GIGYF2: variants seen among roughly 807,000 people sequenced by gnomAD.
GIGYF2 encodes the protein GRB10-interacting GYF protein 2.
A neutral mutation model predicts 208.1 loss-of-function variants in GIGYF2; 25 were observed. That is an observed-to-expected ratio of 0.12 (90% CI 0.09 to 0.17). GIGYF2 has a LOEUF of 0.17. Among genes scored for constraint, GIGYF2 ranks in the 10% least tolerant of loss-of-function variants. GIGYF2 has a pLI of 1.00. For missense variants in GIGYF2, 1,302 were observed against 1,579.4 expected, an observed-to-expected ratio of 0.82 and a Z score of 2.98; for synonymous variants, 534 against 543.8, an observed-to-expected ratio of 0.98 and a Z score of 0.25.
At chr2:232,744,174 A>G (rs13424728) in intron 3 of GIGYF2, among the ~76,000 whole-genome samples, 1,796 of 152,300 alleles carry the variant, frequency 0.012, 12 homozygotes, top group Non-Finnish European at 0.016. Context: ...TCTGGTGACT[A>G]TAAGAAATGT....
rs543333888 is a variant in GIGYF2, at chr2:232,724,124, T to C, written c.-43-11031T>C. Among the ~76,000 whole-genome samples, 52 of 150,932 alleles carry C rather than the reference T, an allele frequency of 3.4e-4. No individual in the cohort carries two copies. The South Asian group carries it at 9.9e-3, about 29-fold the overall frequency. ...GGTGTGATCTCAGCTCACAGCAACC[T>C]CTGCCTTCCGGGTTCAAGTGATTCT... On this transcript the variant is annotated intron_variant, in intron 2 of 28. Transcript: ENST00000373563.
Position 232,793,898 on chromosome 2 carries a change from T to C in GIGYF2, c.1283-850T>C, listed in dbSNP as rs1026203246. Among the ~76,000 whole-genome samples, 18 of 152,154 alleles carry C rather than the reference T, an allele frequency of 1.2e-4. 1 individual carries two copies. ...GATGAGGAAGACTAGGAAAAGTCAT[T>C]GTATTTGGCAACTTTGTGTCACTGC... is the stretch of plus-strand genomic sequence containing the variant. On this transcript the variant is annotated intron_variant, in intron 12 of 28. Coordinates refer to ENST00000373563, the MANE Select transcript of GIGYF2 (RefSeq NM_001103146.3).
chr2:232,739,758 G>C (rs573438426), intron 3 of GIGYF2, among the ~76,000 whole-genome samples: 5 of 152,058 alleles, frequency 3.3e-5, no homozygotes, highest in Admixed American at 1.3e-4. Context: ...CTTTGCTAAC[G>C]TTTTGGTTTC....
At chr2:232,848,728 G>A (rs981741745) in intron 27 of GIGYF2, among the ~76,000 whole-genome samples, 8 of 152,184 alleles carry the variant, frequency 5.3e-5, no homozygotes, top group African/African-American at 1.9e-4. Context: ...CTTGTTGGCA[G>A]TATTGAGAAC....
intron 15 of GIGYF2, among the ~76,000 whole-genome samples, chr2:232,809,421 A>G (rs1200981423): frequency 6.6e-6 from 1 of 152,238 alleles, no homozygotes; most frequent in Non-Finnish European, 1.5e-5. Flanking sequence ...TTACAGTAAT[A>G]ACTCTGAAGT....
intron 2 of GIGYF2, among the ~76,000 whole-genome samples, chr2:232,716,455 T>C (rs1205518281): frequency 6.9e-6 from 1 of 144,120 alleles, no homozygotes; most frequent in African/African-American, 2.6e-5. Flanking sequence ...CTCGGCTCAC[T>C]GCAACTTCCA....
intron 8 of GIGYF2, chr2:232,768,377 A>G (rs766235801): frequency 1.9e-6 from 3 of 1,614,190 alleles, no homozygotes; most frequent in Non-Finnish European, 8.5e-7. Context: ...ACAGAGATGC[A>G]AAACAGTGAT....
Position 232,742,924 on chromosome 2 carries a change from A to T in GIGYF2, c.42-4691A>T, listed in dbSNP as rs1381144438. On this transcript the variant is annotated intron_variant, in intron 3 of 28. Coordinates refer to ENST00000373563, the MANE Select transcript of GIGYF2 (RefSeq NM_001103146.3). The stretch of plus-strand genomic sequence containing the variant: ...ATGGGCTTTACATGGTTGTGTATGA[A>T]AGCCTGACTATAGGAGAGGTCACAG... Among the ~76,000 whole-genome samples, 4 of 152,292 alleles carry T rather than the reference A, an allele frequency of 2.6e-5. 1 individual carries two copies. In the East Asian group the frequency reaches 7.7e-4, roughly 29 times the overall value.
At chr2:232,751,204 T>G (rs1698328008) in intron 5 of GIGYF2, among the ~76,000 whole-genome samples, 1 of 152,056 alleles carries the variant, frequency 6.6e-6, no homozygotes, top group African/African-American at 2.4e-5. Flanking sequence ...CATTTATGAT[T>G]TTATTTATTT....
Position 232,796,187 on chromosome 2 carries a change from G to A in GIGYF2, c.1605G>A (p.Lys535=). 2 of 1,607,092 alleles carry A rather than the reference G, an allele frequency of 1.2e-6. No individual in the cohort carries two copies. The highest frequency in any genetic ancestry group is 1.1e-5 in the South Asian group (1 of 90,942). ...CATTGATGCATGAAGCAATGCAGAAGTGGTATTACAAAGATCCTCAGGGAG... is the reference window on the plus strand; with the variant it reads ...CATTGATGCATGAAGCAATGCAGAAATGGTATTACAAAGATCCTCAGGGAG... ...SIPLMHEAMQ[K]WYYKDPQGEI... Residue 535 remains lysine, a synonymous_variant, in exon 14 of 29, where the codon AAG becomes AAA. Transcript: ENST00000373563.
intron 14 of GIGYF2, among the ~76,000 whole-genome samples, chr2:232,798,612 G>A (rs1267689748): frequency 1.3e-5 from 2 of 152,078 alleles, no homozygotes; most frequent in African/African-American, 2.4e-5. Context: ...ATTCTGAGAG[G>A]TGTGTAGTGA....
At chr2:232,812,320 T>A in intron 17 of GIGYF2, 71 bp from the exon 18 acceptor site, 1 of 752,288 alleles carries the variant, frequency 1.3e-6, no homozygotes. Context: ...AATCTAGAAA[T>A]TCCTCTTCAT....
chr2:232,844,545 A>G lies in GIGYF2; in HGVS notation c.3276A>G (p.Thr1092=). ...AVKEVGPRNS[T]NKNKNNASLS... ...AAGAGGTGGGACCTAGGAATTCAAC[A>G]AATAAAAATAAAAACAACGCCAGTC... is the stretch of plus-strand genomic sequence containing the variant. The change falls in exon 25 of 29, where the codon ACA becomes ACG. Residue 1092 remains threonine (T), a synonymous_variant. Coordinates refer to ENST00000373563, the MANE Select transcript of GIGYF2 (RefSeq NM_001103146.3). 1 of 1,613,584 alleles carries G rather than the reference A, an allele frequency of 6.2e-7. No individual in the cohort carries two copies. Among genetic ancestry groups the G allele is most frequent in the Non-Finnish European group, 8.5e-7 (1 of 1,179,576 alleles).
intron 14 of GIGYF2, among the ~76,000 whole-genome samples, chr2:232,803,934 G>T: frequency 6.6e-5 from 1 of 15,110 alleles, no homozygotes; most frequent in Non-Finnish European, 1.2e-4. Flanking sequence ...TGATCCACCC[G>T]CCTCCGCCTC....
chr2:232,732,291 A>T (rs541028340), intron 2 of GIGYF2, among the ~76,000 whole-genome samples: 1 of 152,290 alleles, frequency 6.6e-6, no homozygotes, highest in East Asian at 1.9e-4. Context: ...TCGGTAGCAA[A>T]CCATAACAGA....
chr2:232,769,555 T>C (rs1325946894), intron 8 of GIGYF2, among the ~76,000 whole-genome samples: 1 of 150,158 alleles, frequency 6.7e-6, no homozygotes, highest in Non-Finnish European at 1.5e-5. Flanking sequence ...TTTTAAACTT[T>C]GAAACGTATT....
chr2:232,833,844 A>T (rs1275175787), intron 22 of GIGYF2, among the ~76,000 whole-genome samples: 1 of 152,022 alleles, frequency 6.6e-6, no homozygotes, highest in African/African-American at 2.4e-5. Flanking sequence ...TTAAGAGGTG[A>T]TATATACAAA....
At chr2:232,755,775 A>T (rs1266725733) in intron 5 of GIGYF2, among the ~76,000 whole-genome samples, 1 of 152,194 alleles carries the variant, frequency 6.6e-6, no homozygotes, top group Non-Finnish European at 1.5e-5. Flanking sequence ...ATTGATGTGC[A>T]GAATGTCCTA....
chr2:232,725,872 G>A (rs1470658182), intron 2 of GIGYF2, among the ~76,000 whole-genome samples: 1 of 152,060 alleles, frequency 6.6e-6, no homozygotes, highest in Non-Finnish European at 1.5e-5. Flanking sequence ...ATATTTCATG[G>A]GATTTTGTTT....
Sources: gnomAD v4.1 joint callset for allele counts (sites outside exome capture counted in the v4.1 genomes callset) on GRCh38, gnomAD v4.1.1 for gene constraint, MANE v1.5 for transcripts, NCBI Gene and HGNC (gene_info 2026-07-23, HGNC 2026-07-21) for gene names.